The following CHLSN variants were observed in gnomAD, a reference collection of about 807,000 sequenced individuals.
CHLSN encodes protein cholesin.
the CHLSN span, among the ~76,000 whole-genome samples, chr7:1,008,854 AACACACGCAC>A: frequency 6.6e-6 from 1 of 150,554 alleles, no homozygotes. Context: ...CACACACGTA[AACACACGCAC>A]ACACGTGTAC....
the CHLSN span, chr7:1,057,947 G>A: frequency 7.8e-6 from 6 of 773,110 alleles, no homozygotes; most frequent in South Asian, 1.3e-5. Context: ...TGTACAACAC[G>A]CGGCACGTGT....
the CHLSN span, among the ~76,000 whole-genome samples, chr7:996,617 G>C: frequency 6.6e-6 from 1 of 152,144 alleles, no homozygotes. Context: ...AGTGGGGCAC[G>C]GACCTCCTCG....
chr7:1,088,558 G>A, the CHLSN span, among the ~76,000 whole-genome samples: 2 of 152,126 alleles, frequency 1.3e-5, no homozygotes, highest in East Asian at 1.9e-4. This position sits in a 1 kb window ranked among gnomAD's most constrained non-coding sequence, Gnocchi z 4.5. Flanking sequence ...TTTCTAACTC[G>A]TGCTGAAAGC....
At chr7:1,057,412 G>C in the CHLSN span, 1 of 614,448 alleles carries the variant, frequency 1.6e-6, no homozygotes, top group Non-Finnish European at 2.9e-6. Context: ...CCAGGAGAAG[G>C]CACCCCTGTA....
At chr7:1,028,262 G>A in the CHLSN span, 2 of 1,094,560 alleles carry the variant, frequency 1.8e-6, no homozygotes, top group Non-Finnish European at 1.1e-6. Flanking sequence ...ACTGACCTCT[G>A]ACCCGGCTGT....
chr7:1,002,245 G>A, the CHLSN span, among the ~76,000 whole-genome samples: 1 of 122,094 alleles, frequency 8.2e-6, no homozygotes, highest in African/African-American at 3.2e-5. Context: ...TCCTGCGGGT[G>A]AGTGGAGTCC....
the CHLSN span, among the ~76,000 whole-genome samples, chr7:991,083 G>T: frequency 6.6e-6 from 1 of 152,092 alleles, no homozygotes; most frequent in Non-Finnish European, 1.5e-5. Context: ...TTGGCCTGGG[G>T]TATTCATCTC....
chr7:1,057,629 G>A, the CHLSN span: 1 of 769,758 alleles, frequency 1.3e-6, no homozygotes, highest in Non-Finnish European at 2.4e-6. Flanking sequence ...TGGTGGGCGT[G>A]CCAGTGGGCC....
At chr7:1,112,882 G>A in the CHLSN span, among the ~76,000 whole-genome samples, 1 of 152,136 alleles carries the variant, frequency 6.6e-6, no homozygotes, top group East Asian at 1.9e-4. Flanking sequence ...CCACGTCCTG[G>A]GCACTTACCC....
the CHLSN span, among the ~76,000 whole-genome samples, chr7:1,098,104 C>T: frequency 3.9e-5 from 6 of 152,106 alleles, no homozygotes; most frequent in African/African-American, 7.2e-5. Flanking sequence ...GTCCATTTCC[C>T]GAGATGGGCA....
chr7:1,069,878 G>A, the CHLSN span, among the ~76,000 whole-genome samples: 4 of 77,370 alleles, frequency 5.2e-5, no homozygotes, highest in African/African-American at 2.2e-4. Flanking sequence ...GTCTCCACCC[G>A]GCCGCCATCC....
chr7:986,669 C>G, the CHLSN span: 7 of 1,612,710 alleles, frequency 4.3e-6, no homozygotes, highest in Non-Finnish European at 5.9e-6. Flanking sequence ...CCAGCTGCAC[C>G]GGCCCGTCCT....
At chr7:1,011,065 A>AC in the CHLSN span, among the ~76,000 whole-genome samples, 6 of 131,206 alleles carry the variant, frequency 4.6e-5, no homozygotes, top group Non-Finnish European at 6.5e-5. Context: ...TATGCAACCC[A>AC]CCCCCCCGAC....
At chr7:1,027,883 G>A in the CHLSN span, among the ~76,000 whole-genome samples, 1 of 152,238 alleles carries the variant, frequency 6.6e-6, no homozygotes, top group Non-Finnish European at 1.5e-5. Context: ...GCTGCATCGC[G>A]GCTGGGGGCC....
the CHLSN span, among the ~76,000 whole-genome samples, chr7:1,034,135 C>T: frequency 1.3e-5 from 2 of 152,336 alleles, no homozygotes; most frequent in African/African-American, 4.8e-5. Context: ...GCAATGGGCT[C>T]GCGGAAACTG....
chr7:1,120,700 A>C, the CHLSN span, among the ~76,000 whole-genome samples: 1 of 152,384 alleles, frequency 6.6e-6, no homozygotes, highest in African/African-American at 2.4e-5. Context: ...CAGCACATTC[A>C]TAACAGCCCC....
chr7:990,812 G>A, the CHLSN span, among the ~76,000 whole-genome samples: 1 of 152,122 alleles, frequency 6.6e-6, no homozygotes, highest in Non-Finnish European at 1.5e-5. Context: ...CGCCAGGTGG[G>A]GCCACGCGAC....
chr7:1,071,349 G>T, the CHLSN span, among the ~76,000 whole-genome samples: 1 of 152,226 alleles, frequency 6.6e-6, no homozygotes, highest in Admixed American at 6.5e-5. Context: ...GGTGAAACCG[G>T]AAGGTGCTGT....
At chr7:1,049,336 G>A in the CHLSN span, among the ~76,000 whole-genome samples, 3 of 152,240 alleles carry the variant, frequency 2.0e-5, no homozygotes, top group African/African-American at 7.2e-5. Context: ...CTGGTAACAG[G>A]GAGCAAGTGC....
Sources: allele counts gnomAD v4.1 joint callset (sites outside exome capture counted in the v4.1 genomes callset), GRCh38; gene constraint gnomAD v4.1.1; non-coding constraint Gnocchi (gnomAD v3.1); transcripts MANE v1.5; gene names NCBI Gene and HGNC (gene_info 2026-07-23, HGNC 2026-07-21).